GAD1: variants seen among roughly 807,000 people sequenced by gnomAD.
The protein encoded by GAD1 is 67 kDa glutamic acid decarboxylase.
In GAD1, 35 loss-of-function variants were observed where a neutral mutation model predicts 75.2. The ratio of observed to expected loss-of-function variants is 0.47; its 90% CI spans 0.36 to 0.62. GAD1 has a LOEUF of 0.62. Ranked by LOEUF, GAD1 falls within the 20% of genes least tolerant of loss-of-function variation. The pLI is 0.00. For synonymous variants in GAD1, 257 were observed against 271.9 expected, an observed-to-expected ratio of 0.95 and a Z score of 0.54; for missense variants, 490 against 758.5, an observed-to-expected ratio of 0.65 and a Z score of 4.16.
At chr2:170,834,890 C>T (rs1306860451) in intron 5 of GAD1, among the ~76,000 whole-genome samples, 3 of 151,956 alleles carry the variant, frequency 2.0e-5, no homozygotes, top group African/African-American at 4.8e-5. Context: ...CTGCCTCAGC[C>T]TCCTGAGAAG....
intron 3 of GAD1, 96 bp from the exon 4 acceptor site, chr2:170,829,379 C>A: frequency 7.3e-7 from 1 of 1,374,020 alleles, no homozygotes; most frequent in Non-Finnish European, 1.0e-6. Context: ...TCAGGAGAAA[C>A]AAGAGCCCTG....
chr2:170,824,375 G>T (rs1701973553), intron 3 of GAD1, among the ~76,000 whole-genome samples: 1 of 114,230 alleles, frequency 8.8e-6, no homozygotes, highest in South Asian at 3.1e-4. Context: ...CTCCCTGCCT[G>T]CCTACACACA....
Position 170,849,847 on chromosome 2 carries a change from C to T in GAD1, c.1184+497C>T, listed in dbSNP as rs147632872. Among the ~76,000 whole-genome samples, 219 of 152,362 alleles carry T rather than the reference C, an allele frequency of 1.4e-3. 1 individual carries two copies. The highest frequency in any genetic ancestry group is 5.0e-3 in the African/African-American group (207 of 41,596). ...AGGCCATCAGAGTTTGCCAAGGGCA[C>T]AGGAAGGGCCACTGGTTCACTTTCC... On this transcript the variant is annotated intron_variant, in intron 12 of 16. Coordinates refer to ENST00000358196, the MANE Select transcript of GAD1 (RefSeq NM_000817.3).
At chr2:170,826,689 A>G (rs1422293362) in intron 3 of GAD1, among the ~76,000 whole-genome samples, 1 of 152,148 alleles carries the variant, frequency 6.6e-6, no homozygotes, top group African/African-American at 2.4e-5. Flanking sequence ...CCCAGAGGGA[A>G]GGGGCTTCAA....
At chr2:170,847,107 G>A (rs45565441) in intron 10 of GAD1, among the ~76,000 whole-genome samples, 11 of 152,240 alleles carry the variant, frequency 7.2e-5, no homozygotes, top group Admixed American at 2.6e-4. Flanking sequence ...ATTTAACCAC[G>A]TCCACTGTTA....
intron 5 of GAD1, among the ~76,000 whole-genome samples, chr2:170,831,592 A>ATGTG (rs1491343382): frequency 4.2e-5 from 4 of 94,922 alleles, no homozygotes; most frequent in South Asian, 8.6e-4. Flanking sequence ...TTGTCTCTAC[A>ATGTG]TATGTGTGTG....
intron 6 of GAD1, among the ~76,000 whole-genome samples, chr2:170,840,557 C>T (rs1047383039): frequency 4.0e-5 from 6 of 150,992 alleles, no homozygotes; most frequent in African/African-American, 9.7e-5. Context: ...TATGGTGCAG[C>T]CTGGCTGCTG....
chr2:170,831,232 GC>G (rs1378904174), intron 5 of GAD1, 40 bp downstream of exon 5: 1 of 1,609,690 alleles, frequency 6.2e-7, no homozygotes, highest in South Asian at 1.1e-5. Context: ...TGGCAACTTT[GC>G]CCTCCATCTC....
At chr2:170,844,276 T>G in intron 7 of GAD1, 119 bp downstream of exon 7, 1 of 710,362 alleles carries the variant, frequency 1.4e-6, no homozygotes, top group Non-Finnish European at 2.6e-6. Context: ...GACTTCCTAT[T>G]TTTTCAAGAT....
chr2:170,816,982 C>T lies in GAD1; in HGVS notation c.-130C>T, dbSNP rs913103676. ...CAGATTACGCCTGTCAGGGCCGAGCCGAGCGGATCGCTGGGCGCTGTGCAG... is the reference window on the plus strand; with the variant it reads ...CAGATTACGCCTGTCAGGGCCGAGCTGAGCGGATCGCTGGGCGCTGTGCAG... On this transcript the variant is annotated 5_prime_UTR_variant, in exon 1 of 17. Transcript: ENST00000358196. The T allele has an allele frequency of 3.1e-5, 6 of 193,630 alleles. No homozygotes were observed. Among genetic ancestry groups the T allele is most frequent in the Non-Finnish European group, 1.1e-5 (1 of 94,214 alleles). The allele number at this position is 193,630 out of a possible 1,614,324, so 12.0% of individuals were successfully genotyped here.
chr2:170,833,532 C>T (rs1481165981), intron 5 of GAD1, among the ~76,000 whole-genome samples: 1 of 152,232 alleles, frequency 6.6e-6, no homozygotes, highest in East Asian at 1.9e-4. Flanking sequence ...TTTAGCTTGA[C>T]TTGCTTTGGT....
intron 3 of GAD1, among the ~76,000 whole-genome samples, chr2:170,828,148 ACCCTCCTCCCTCTGCTGTCCTCG>A (rs1559271691): frequency 4.2e-3 from 336 of 79,442 alleles, no homozygotes; most frequent in Middle Eastern, 0.026. Flanking sequence ...TGCTGTCCTC[ACCCTCCTCCCTCTGCTGTCCTCG>A]CCCTCCTCTC....
At chr2:170,836,605 T>A (rs192782846) in intron 5 of GAD1, among the ~76,000 whole-genome samples, 188 bp from the exon 6 acceptor site, 52 of 152,322 alleles carry the variant, frequency 3.4e-4, no homozygotes, top group Non-Finnish European at 5.1e-4. Context: ...TGAGGGACAT[T>A]ATGAATGTTA....
chr2:170,845,261 A>G, intron 7 of GAD1: 1 of 571,730 alleles, frequency 1.7e-6, no homozygotes, highest in East Asian at 3.1e-5. Flanking sequence ...AAGCGCACTG[A>G]AGTACACGAA....
intron 11 of GAD1, 69 bp downstream of exon 11, chr2:170,847,861 A>G: frequency 2.0e-6 from 2 of 1,017,118 alleles, no homozygotes; most frequent in Non-Finnish European, 3.1e-6. Context: ...GACTTGCCTC[A>G]AGCTTCTCCC....
intron 14 of GAD1, among the ~76,000 whole-genome samples, chr2:170,854,605 C>T (rs746030015): frequency 1.5e-4 from 23 of 152,156 alleles, no homozygotes; most frequent in Non-Finnish European, 3.2e-4. Context: ...CGGGGTTTCA[C>T]CGCGTTAGCC....
At chr2:170,845,886 C>A in intron 9 of GAD1, 101 bp downstream of exon 9, 1 of 1,454,094 alleles carries the variant, frequency 6.9e-7, no homozygotes, top group African/African-American at 1.4e-5. Context: ...TACATTGTGC[C>A]AAGCTGCTAA....
At position 170,844,051 on chromosome 2, in the gene GAD1, A is replaced by G. The variant is rs752243201; in HGVS notation, c.645A>G (p.Thr215=). ...CTTCTTACCACCTTTCCAGGTTTAC[A>G]TATGAAATTGCACCAGTGTTTGTCC... is the stretch of plus-strand genomic sequence containing the variant. ...LTSTANTNMF[T]YEIAPVFVLM... Residue 215 remains threonine (T), a synonymous_variant, in exon 7 of 17, where the codon ACA becomes ACG. Coordinates refer to ENST00000358196, the MANE Select transcript of GAD1 (RefSeq NM_000817.3). The G allele has an allele frequency of 8.3e-6, 13 of 1,563,492 alleles. No individual in the cohort carries two copies. The African/African-American group carries it at 1.4e-4, about 16-fold the overall frequency.
intron 3 of GAD1, 88 bp downstream of exon 3, chr2:170,822,237 G>T (rs1003006729): frequency 1.1e-5 from 12 of 1,102,486 alleles, no homozygotes; most frequent in Non-Finnish European, 1.6e-5. Flanking sequence ...AGCGGAGGGG[G>T]ATCCGGGCTC....
Sources: allele counts gnomAD v4.1 joint callset (sites outside exome capture counted in the v4.1 genomes callset), GRCh38; gene constraint gnomAD v4.1.1; transcripts MANE v1.5; gene names NCBI Gene and HGNC (gene_info 2026-07-23, HGNC 2026-07-21).